The following OSR1 variants were observed in gnomAD, a reference collection of about 807,000 sequenced individuals.
OSR1 encodes the protein odd-skipped related transcription factor 1, also known as protein odd-skipped-related 1.
Under a neutral mutation model 15.7 loss-of-function variants are expected in OSR1, and 3 were observed. That is an observed-to-expected ratio of 0.19 (90% CI 0.09 to 0.50). The LOEUF (loss-of-function observed/expected upper bound fraction) is 0.50, where lower values mean the gene tolerates loss of function less well. Ranked by LOEUF, OSR1 falls within the 20% of genes least tolerant of loss-of-function variation. The pLI is 0.97. For synonymous variants in OSR1, 166 were observed against 152.7 expected (o/e 1.09, Z -0.64); for missense variants, 271 against 351.1 (o/e 0.77, Z 1.82).
the OSR1 span, among the ~76,000 whole-genome samples, chr2:19,346,407 G>A: frequency 8.5e-5 from 13 of 152,308 alleles, no homozygotes; most frequent in Admixed American, 8.5e-4. Flanking sequence ...TCCTGCAGAA[G>A]TCCACATAAA....
chr2:19,349,155 C>T (rs1249827851), downstream of OSR1, among the ~76,000 whole-genome samples: 2 of 152,202 alleles, frequency 1.3e-5, no homozygotes, highest in African/African-American at 4.8e-5. Context: ...ATTTCTGACC[C>T]TCTCAATTGC....
downstream of OSR1, among the ~76,000 whole-genome samples, chr2:19,348,133 C>T (rs947951791): frequency 6.6e-6 from 1 of 152,020 alleles, no homozygotes; most frequent in Non-Finnish European, 1.5e-5. Context: ...GGGATGAGTA[C>T]GCCGCGGCAA....
At chr2:19,348,739 C>G (rs2103356651), downstream of OSR1, among the ~76,000 whole-genome samples, 1 of 152,304 alleles carries the variant, frequency 6.6e-6, no homozygotes, top group Admixed American at 6.5e-5. Context: ...GGGGTAGAAC[C>G]TGAAACACTC....
At chr2:19,349,429 G>A (rs1664793612), downstream of OSR1, among the ~76,000 whole-genome samples, 1 of 152,190 alleles carries the variant, frequency 6.6e-6, no homozygotes, top group African/African-American at 2.4e-5. Flanking sequence ...GAGGGCCAGG[G>A]AGTTGCTGCG....
At chr2:19,356,813 A>G (rs1664959448) in intron 1 of OSR1, 2 of 152,322 alleles carry the variant, frequency 1.3e-5, no homozygotes, top group African/African-American at 2.4e-5. Flanking sequence ...TGGAGCGCCA[A>G]TCCCAGGTCT....
Position 19,352,405 on chromosome 2 carries a change from A to G in OSR1, c.671T>C (p.Ile224Thr). 6.2e-7 allele frequency: 1 copy of G among 1,614,126 alleles called. No individual in the cohort carries two copies. The change falls in exon 3 of 3, where the codon ATT becomes ACT. Residue 224 changes from isoleucine (I) to threonine (T), a missense_variant. Around this residue, in one of 4 missense-constraint regions of OSR1, gnomAD observed 8 missense variants for 41.5 expected, o/e 0.19. Coordinates refer to ENST00000272223, the MANE Select transcript of OSR1 (RefSeq NM_145260.3). ...RQDHLRDHRY[I>T]HSKEKPFKCQ... The stretch of plus-strand genomic sequence containing the variant: ...CTTGAAGGGCTTCTCTTTGGAGTGA[A>G]TATATCTGAGGGCAGAAACAGAGAG...
At chr2:19,350,024 A>G (rs1399143109), downstream of OSR1, among the ~76,000 whole-genome samples, 1 of 152,196 alleles carries the variant, frequency 6.6e-6, no homozygotes, top group East Asian at 1.9e-4. Context: ...CAGAGGCCCC[A>G]GTTCTCAGGA....
chr2:19,345,057 T>C, the OSR1 span, among the ~76,000 whole-genome samples: 1 of 152,116 alleles, frequency 6.6e-6, no homozygotes. Context: ...TTTGTATATA[T>C]GTATATATAA....
At chr2:19,350,126 A>G (rs572029028), downstream of OSR1, among the ~76,000 whole-genome samples, 74 of 152,330 alleles carry the variant, frequency 4.9e-4, no homozygotes, top group Admixed American at 1.2e-3. Flanking sequence ...CCCTCAGACC[A>G]GACCAGACTC....
chr2:19,346,868 A>G (rs1474785124), downstream of OSR1: 2 of 152,144 alleles, frequency 1.3e-5, no homozygotes, highest in African/African-American at 4.8e-5. Context: ...CTTGCCACAT[A>G]CGTACATAGG....
At chr2:19,349,747 C>T (rs1231560248), downstream of OSR1, among the ~76,000 whole-genome samples, 1 of 152,130 alleles carries the variant, frequency 6.6e-6, no homozygotes, top group African/African-American at 2.4e-5. Context: ...CCATAGACAA[C>T]CCCAAGGATA....
intron 1 of OSR1, chr2:19,356,494 A>G (rs534902879): frequency 6.6e-6 from 1 of 152,368 alleles, no homozygotes; most frequent in East Asian, 1.9e-4. Context: ...CGAAAGCACG[A>G]TCCGGTTTCA....
In OSR1 at chr2:19,352,054, A is replaced by T; in HGVS notation, c.*221T>A. On this transcript the variant is annotated 3_prime_UTR_variant, in exon 3 of 3. Coordinates refer to ENST00000272223, the MANE Select transcript of OSR1 (RefSeq NM_145260.3). The stretch of plus-strand genomic sequence containing the variant: ...GCCACGTGAGTACCGCCTTTTGGCC[A>T]AGAGTTTAGCCGCGTCCTAGGGGAG... The T allele has an allele frequency of 2.4e-6, 1 of 414,204 alleles. No individual in the cohort carries two copies. Among genetic ancestry groups the T allele is most frequent in the Non-Finnish European group, 4.2e-6 (1 of 235,750 alleles). The allele number at this position is 414,204 out of a possible 1,614,324, so 25.7% of individuals were successfully genotyped here.
At position 19,353,151 on chromosome 2, in the gene OSR1, G is replaced by T. The variant is rs772882892; in HGVS notation, c.655C>A (p.Arg219=). 3 of 1,613,586 alleles carry T rather than the reference G, an allele frequency of 1.9e-6. No individual in the cohort carries two copies. Among genetic ancestry groups the T allele is most frequent in the Non-Finnish European group, 2.5e-6 (3 of 1,179,500 alleles). The change falls in exon 2 of 3, where the codon CGA becomes AGA. Residue 219 remains arginine (R), a synonymous_variant. Transcript: ENST00000272223. ...HKAFRRQDHL[R]DHRYIHSKEK... is the part of the protein sequence containing the mutation. ...CCCGCAGTGCCGCACCTGTGGTCTC[G>T]CAGGTGGTCTTGCCTCCGGAAGGCT...
chr2:19,353,955 A>G, intron 1 of OSR1, 118 bp from the exon 2 acceptor site: 1 of 835,502 alleles, frequency 1.2e-6, no homozygotes, highest in Non-Finnish European at 1.8e-6. Context: ...CGCAGGAGCT[A>G]AGAGTCTAAG....
At chr2:19,347,983 C>G (rs1357138387), downstream of OSR1, among the ~76,000 whole-genome samples, 1 of 152,268 alleles carries the variant, frequency 6.6e-6, no homozygotes, top group Non-Finnish European at 1.5e-5. Flanking sequence ...ACGATTTCCA[C>G]GCACCGCCGT....
At chr2:19,347,344 G>C (rs1203268778), downstream of OSR1, among the ~76,000 whole-genome samples, 4 of 152,196 alleles carry the variant, frequency 2.6e-5, no homozygotes, top group African/African-American at 9.7e-5. Context: ...TCTACACAAA[G>C]TGAATGAGGT....
chr2:19,357,510 T>C lies in OSR1; in HGVS notation c.-33+831A>G, dbSNP rs911444414. On this transcript the variant is annotated intron_variant, in intron 1 of 2. Coordinates refer to ENST00000272223, the MANE Select transcript of OSR1 (RefSeq NM_145260.3). This position sits in a 1 kb window ranked among gnomAD's most constrained non-coding sequence, Gnocchi z 5.0. ...TTCAGCAGGCAGCCCTTCACCCCTT[T>C]CCCCCTTCTTTCTCTCCTGACGGCT... 3.9e-5 allele frequency among the ~76,000 whole-genome samples: 6 copies of C among 152,032 alleles called. No homozygotes were observed. Among genetic ancestry groups the C allele is most frequent in the African/African-American group, 1.4e-4 (6 of 41,394 alleles).
rs544539605 is a variant in OSR1, at chr2:19,352,073, A to G, written c.*202T>C. 2.2e-5 allele frequency: 11 copies of G among 490,848 alleles called. No homozygotes were observed. The highest frequency in any genetic ancestry group is 1.9e-4 in the African/African-American group (10 of 51,780). 30.4% of individuals were successfully genotyped at this position (490,848 alleles called of 1,614,324 possible). On this transcript the variant is annotated 3_prime_UTR_variant, in exon 3 of 3. Coordinates refer to ENST00000272223, the MANE Select transcript of OSR1 (RefSeq NM_145260.3). ...TTGGCCAAGAGTTTAGCCGCGTCCTAGGGGAGCAGCAGGGACGGTCGGGGT... is the reference window on the plus strand; with the variant it reads ...TTGGCCAAGAGTTTAGCCGCGTCCTGGGGGAGCAGCAGGGACGGTCGGGGT...
Sources: gnomAD v4.1 joint callset for allele counts (sites outside exome capture counted in the v4.1 genomes callset) on GRCh38, gnomAD v4.1.1 for gene constraint, gnomAD v4.1.1 regional missense constraint, Gnocchi (gnomAD v3.1) non-coding constraint, MANE v1.5 for transcripts, NCBI Gene and HGNC (gene_info 2026-07-23, HGNC 2026-07-21) for gene names.